Variants in NTNG1 observed in about 807,000 individuals in gnomAD.
NTNG1 encodes the protein netrin-G1.
Under a neutral mutation model 54.0 loss-of-function variants are expected in NTNG1, and 16 were observed. The observed-to-expected ratio is 0.30, with a 90% CI of 0.20 to 0.45. NTNG1 has a LOEUF of 0.45. Ranked by LOEUF, NTNG1 falls within the 20% of genes least tolerant of loss-of-function variation. NTNG1 has a pLI of 1.00. For missense variants in NTNG1, 530 were observed against 678.7 expected, an observed-to-expected ratio of 0.78 and a Z score of 2.43; for synonymous variants, 255 against 263.1, an observed-to-expected ratio of 0.97 and a Z score of 0.30.
At chr1:107,337,084 C>T (rs1197957906) in intron 3 of NTNG1, among the ~76,000 whole-genome samples, 1 of 151,974 alleles carries the variant, frequency 6.6e-6, no homozygotes, top group African/African-American at 2.4e-5. Flanking sequence ...ATAAAATTGC[C>T]ATATGATCCA....
At chr1:107,280,135 T>G (rs1664742349) in intron 2 of NTNG1, among the ~76,000 whole-genome samples, 1 of 149,182 alleles carries the variant, frequency 6.7e-6, no homozygotes, top group East Asian at 2.0e-4. Flanking sequence ...CCTAAAGATG[T>G]ATGATGTGTT....
At chr1:107,192,246 AT>A (rs112969441) in intron 2 of NTNG1, among the ~76,000 whole-genome samples, 1 of 151,742 alleles carries the variant, frequency 6.6e-6, no homozygotes, top group Non-Finnish European at 1.5e-5. Context: ...TTATTGGTGT[AT>A]TTTTTGTACC....
chr1:107,202,582 C>T (rs1658840430), intron 2 of NTNG1, among the ~76,000 whole-genome samples: 1 of 151,732 alleles, frequency 6.6e-6, no homozygotes, highest in African/African-American at 2.4e-5. Flanking sequence ...AACTTTTCTA[C>T]TCTTTTTTCC....
At chr1:107,354,229 G>T (rs1394541354) in intron 3 of NTNG1, among the ~76,000 whole-genome samples, 1 of 151,988 alleles carries the variant, frequency 6.6e-6, no homozygotes. Context: ...CCAGCACTTT[G>T]GGAGGCTGAA....
At chr1:107,378,866 C>A (rs1430045367) in intron 3 of NTNG1, among the ~76,000 whole-genome samples, 6 of 152,216 alleles carry the variant, frequency 3.9e-5, no homozygotes, top group Middle Eastern at 3.4e-3. Context: ...CTGCACAGTC[C>A]CCCCACACAT....
Position 107,436,793 on chromosome 1 carries a change from T to C in NTNG1, c.1384T>C (p.Cys462Arg). 6.2e-7 allele frequency: 1 copy of C among 1,613,360 alleles called. No homozygotes were observed. The highest frequency in any genetic ancestry group is 2.2e-5 in the East Asian group (1 of 44,772). The change falls in exon 7 of 8, where the codon TGT (cysteine) becomes CGT (arginine). Residue 462 changes from cysteine to arginine, a missense_variant. Physicochemically the swap from Cys to Arg is radical, Grantham distance 180. This residue lies in a region of NTNG1 where 212 missense variants were observed against 213.6 expected (regional missense o/e 0.99). Transcript: ENST00000370068. Reference protein sequence around the residue: ...CLPGNSWHYGCQPNVCDNELL... With the variant: ...CLPGNSWHYGRQPNVCDNELL... Reference sequence around the variant, plus strand: ...GCCGGGAAATTCCTGGCACTACGGCTGTCAACGTAAGTAACTCTGGGAGCT... The same window carrying C: ...GCCGGGAAATTCCTGGCACTACGGCCGTCAACGTAAGTAACTCTGGGAGCT...
intron 2 of NTNG1, among the ~76,000 whole-genome samples, chr1:107,254,083 G>C (rs928053316): frequency 6.6e-6 from 1 of 152,100 alleles, no homozygotes; most frequent in South Asian, 2.1e-4. Context: ...ATATCTTTTA[G>C]GATTCATCAC....
chr1:107,304,405 T>C (rs1002864638), intron 2 of NTNG1, among the ~76,000 whole-genome samples: 3 of 152,198 alleles, frequency 2.0e-5, no homozygotes, highest in Non-Finnish European at 4.4e-5. Context: ...TTTGGTGTTT[T>C]CACATTTATG....
At chr1:107,264,869 GT>G (rs1663627916) in intron 2 of NTNG1, among the ~76,000 whole-genome samples, 1 of 152,130 alleles carries the variant, frequency 6.6e-6, no homozygotes, top group African/African-American at 2.4e-5. Context: ...CACATAGCTT[GT>G]TTCCCCCGAA....
At chr1:107,341,269 G>A (rs1053165309) in intron 3 of NTNG1, among the ~76,000 whole-genome samples, 8 of 151,862 alleles carry the variant, frequency 5.3e-5, no homozygotes, top group South Asian at 2.1e-4. Context: ...TTGATGGACC[G>A]AGTTTATATT....
intron 3 of NTNG1, among the ~76,000 whole-genome samples, chr1:107,348,017 T>C (rs898548495): frequency 6.6e-6 from 1 of 152,110 alleles, no homozygotes; most frequent in Non-Finnish European, 1.5e-5. Flanking sequence ...CCAAACCATA[T>C]CATATCTGTG....
rs185693473 is a variant in NTNG1 at position 107,372,138 on chromosome 1, G to A, written c.888-23016G>A. Among the ~76,000 whole-genome samples, 3 of 151,906 alleles carry A rather than the reference G, an allele frequency of 2.0e-5. No individual in the cohort carries two copies. In the East Asian group the frequency reaches 5.8e-4, roughly 29 times the overall value. ...CTAAAAACTATCTTTTGGTTTCATTGATTTTTTTATTATGTTTATTTTTTC... is the reference window on the plus strand; with the variant it reads ...CTAAAAACTATCTTTTGGTTTCATTAATTTTTTTATTATGTTTATTTTTTC... On this transcript the variant is annotated intron_variant, in intron 3 of 7. Coordinates refer to ENST00000370068, the MANE Select transcript of NTNG1 (RefSeq NM_001113226.3).
chr1:107,319,711 G>T (rs1353989974), intron 2 of NTNG1, among the ~76,000 whole-genome samples: 1 of 151,934 alleles, frequency 6.6e-6, no homozygotes, highest in Non-Finnish European at 1.5e-5. Context: ...TGTCTGCTTG[G>T]CATGTAGCTT....
chr1:107,444,470 A>G (rs537351627), intron 7 of NTNG1, among the ~76,000 whole-genome samples: 1 of 152,264 alleles, frequency 6.6e-6, no homozygotes, highest in African/African-American at 2.4e-5. Context: ...GAATTGCTGA[A>G]GCTTAGCCTA....
At chr1:107,374,598 T>C (rs530304887) in intron 3 of NTNG1, among the ~76,000 whole-genome samples, 2 of 152,232 alleles carry the variant, frequency 1.3e-5, no homozygotes, top group African/African-American at 4.8e-5. Flanking sequence ...TATATTCTAT[T>C]ACTTTAGTTA....
intron 2 of NTNG1, among the ~76,000 whole-genome samples, chr1:107,207,065 G>T (rs1659249652): frequency 6.6e-6 from 1 of 152,062 alleles, no homozygotes. Context: ...TTCAAAAGTG[G>T]TGTGAAGTGT....
At chr1:107,373,495 A>G (rs756315362) in intron 3 of NTNG1, among the ~76,000 whole-genome samples, 12 of 151,666 alleles carry the variant, frequency 7.9e-5, no homozygotes, top group Non-Finnish European at 1.5e-4. Context: ...AAAAACTTAC[A>G]TATTTACTCA....
chr1:107,276,733 C>T (rs1370557382), intron 2 of NTNG1, among the ~76,000 whole-genome samples: 5 of 151,846 alleles, frequency 3.3e-5, no homozygotes, highest in East Asian at 3.9e-4. Context: ...ACTAATTGTT[C>T]GATGAATAAA....
At chr1:107,332,020 T>A (rs2101899076) in intron 3 of NTNG1, among the ~76,000 whole-genome samples, 1 of 152,212 alleles carries the variant, frequency 6.6e-6, no homozygotes, top group East Asian at 1.9e-4. Flanking sequence ...CATTGCTACT[T>A]AACTCCAGTG....
Sources: gnomAD v4.1 joint callset for allele counts (sites outside exome capture counted in the v4.1 genomes callset) on GRCh38, gnomAD v4.1.1 for gene constraint, gnomAD v4.1.1 regional missense constraint, MANE v1.5 for transcripts, NCBI Gene and HGNC (gene_info 2026-07-23, HGNC 2026-07-21) for gene names.